The following EPB41L3 variants were observed in gnomAD, a reference collection of about 807,000 sequenced individuals.
The protein encoded by EPB41L3 is band 4.1-like protein 3.
EPB41L3 carries 57 observed loss-of-function variants against 127.1 expected under a neutral mutation model. The observed-to-expected ratio is 0.45, with a 90% CI of 0.36 to 0.56. EPB41L3 has a LOEUF of 0.56. Ranked by LOEUF, EPB41L3 falls within the 20% of genes least tolerant of loss-of-function variation. The pLI, the probability that EPB41L3 is intolerant of heterozygous loss-of-function variation, is 0.00. For synonymous variants in EPB41L3, 572 were observed against 549.5 expected (o/e 1.04, Z -0.57); for missense variants, 1,273 against 1,372.2 (o/e 0.93, Z 1.14).
At chr18:5,446,558 T>C (rs1322703848) in intron 3 of EPB41L3, among the ~76,000 whole-genome samples, 1 of 152,194 alleles carries the variant, frequency 6.6e-6, no homozygotes, top group Non-Finnish European at 1.5e-5. Flanking sequence ...ATGAGAAATA[T>C]GAAAATTGAT....
intron 11 of EPB41L3, among the ~76,000 whole-genome samples, chr18:5,422,445 C>T (rs1043460922): frequency 4.2e-5 from 6 of 142,918 alleles, no homozygotes; most frequent in African/African-American, 1.5e-4. Context: ...GAGATGGTAC[C>T]ATGCACTTGT....
intron 3 of EPB41L3, among the ~76,000 whole-genome samples, chr18:5,573,131 G>GA (rs1248658998): frequency 6.6e-6 from 1 of 152,108 alleles, no homozygotes; most frequent in East Asian, 1.9e-4. Flanking sequence ...TAAATGCAAG[G>GA]GTGACATTTA....
chr18:5,527,371 A>ATAAAACCATACCTGCTAAATAAAATG (rs1432921603), intron 1 of EPB41L3, among the ~76,000 whole-genome samples: 3 of 152,216 alleles, frequency 2.0e-5, no homozygotes, highest in Non-Finnish European at 4.4e-5. Context: ...ATCAATCTTA[A>ATAAAACCATACCTGCTAAATAAAATG]TAAAACCATA....
chr18:5,603,898 A>G lies in EPB41L3; in HGVS notation c.-306+8442T>C, dbSNP rs75916698. Among the ~76,000 whole-genome samples the G allele has an allele frequency of 2.0e-4, 31 of 152,178 alleles. No homozygotes were observed. In the East Asian group the frequency reaches 5.8e-3, roughly 29 times the overall value. ...AAATTTAAAAAAAAAGTTGAATGAG[A>G]TATTATTTGGGTAAGAAAAGTAAAA... On this transcript the variant is annotated intron_variant, in intron 3 of 21. Transcript: ENST00000545076.
chr18:5,485,487 T>C (rs887623156), intron 2 of EPB41L3, among the ~76,000 whole-genome samples: 1 of 151,948 alleles, frequency 6.6e-6, no homozygotes, highest in African/African-American at 2.4e-5. Flanking sequence ...CTGGAAGTCC[T>C]GGCTGGCACA....
At chr18:5,628,649 C>G in intron 1 of EPB41L3, among the ~76,000 whole-genome samples, 1 of 152,250 alleles carries the variant, frequency 6.6e-6, no homozygotes, top group East Asian at 1.9e-4. Context: ...CCAGCCCGAG[C>G]GAGCCCAGGC....
intron 1 of EPB41L3, among the ~76,000 whole-genome samples, chr18:5,540,032 C>CT (rs915695504): frequency 2.0e-5 from 3 of 152,142 alleles, no homozygotes; most frequent in African/African-American, 4.8e-5. Flanking sequence ...AGACCACATA[C>CT]TTTTTTTAAA....
intron 12 of EPB41L3, among the ~76,000 whole-genome samples, chr18:5,419,222 T>C (rs1263957700): frequency 6.6e-6 from 1 of 152,212 alleles, no homozygotes; most frequent in East Asian, 1.9e-4. Flanking sequence ...TTTCAAAACA[T>C]GGCCAGTCAC....
chr18:5,481,396 T>C (rs1217198761), intron 2 of EPB41L3, among the ~76,000 whole-genome samples: 1 of 152,168 alleles, frequency 6.6e-6, no homozygotes, highest in Non-Finnish European at 1.5e-5. Flanking sequence ...TCCATAGTCA[T>C]GATGCCCCTC....
chr18:5,524,178 T>TG lies in EPB41L3; in HGVS notation c.-12+19734_-12+19735insC, dbSNP rs540387043. ...TGGCCGGACTCTTTTCATTTTTTTT[T>TG]TTGTTGTTGTTGTTTTTTGTTTTTT... On this transcript the variant is annotated intron_variant, in intron 1 of 22. Coordinates refer to ENST00000341928, the MANE Select transcript of EPB41L3 (RefSeq NM_012307.5). 3.6e-3 allele frequency among the ~76,000 whole-genome samples: 553 copies of TG among 152,154 alleles called. 4 individuals carry two copies. The highest frequency in any genetic ancestry group is 0.013 in the African/African-American group (538 of 41,506).
intron 1 of EPB41L3, among the ~76,000 whole-genome samples, chr18:5,523,392 T>A (rs1598615255): frequency 6.6e-6 from 1 of 152,302 alleles, no homozygotes; most frequent in South Asian, 2.1e-4. Flanking sequence ...CACTCCAAAT[T>A]AGAAACATTA....
chr18:5,552,585 TC>T, intron 3 of EPB41L3, among the ~76,000 whole-genome samples: 1 of 152,284 alleles, frequency 6.6e-6, no homozygotes, highest in South Asian at 2.1e-4. Context: ...CTAGCGATTT[TC>T]CCCAGGTGTG....
chr18:5,584,223 G>A (rs1344166416), intron 3 of EPB41L3, among the ~76,000 whole-genome samples: 8 of 152,162 alleles, frequency 5.3e-5, no homozygotes, highest in Non-Finnish European at 1.2e-4. Context: ...GCCAATAGCT[G>A]GGTCCTTTAC....
chr18:5,528,289 C>CA (rs2093299633), intron 1 of EPB41L3, among the ~76,000 whole-genome samples: 2 of 152,122 alleles, frequency 1.3e-5, no homozygotes, highest in Non-Finnish European at 2.9e-5. Flanking sequence ...CCACCTCAGC[C>CA]TCCCCAGTAG....
At chr18:5,408,304 C>A (rs2075758029) in intron 14 of EPB41L3, among the ~76,000 whole-genome samples, 1 of 137,400 alleles carries the variant, frequency 7.3e-6, no homozygotes, top group Non-Finnish European at 1.5e-5. Flanking sequence ...GACAGAGTCT[C>A]GCTTTGTTGT....
intron 3 of EPB41L3, among the ~76,000 whole-genome samples, chr18:5,584,269 T>C (rs192817816): frequency 4.6e-5 from 7 of 152,316 alleles, no homozygotes; most frequent in African/African-American, 1.7e-4. Flanking sequence ...AGCTAGGGCC[T>C]ATGCTGCAGA....
intron 1 of EPB41L3, among the ~76,000 whole-genome samples, chr18:5,617,870 T>C (rs1224180232): frequency 6.6e-6 from 1 of 152,192 alleles, no homozygotes; most frequent in Non-Finnish European, 1.5e-5. Flanking sequence ...AAATGGGCAC[T>C]AGAAGACAGA....
At chr18:5,540,046 C>T (rs924757808) in intron 1 of EPB41L3, among the ~76,000 whole-genome samples, 1 of 152,000 alleles carries the variant, frequency 6.6e-6, no homozygotes, top group African/African-American at 2.4e-5. Context: ...TTTTAAAAGA[C>T]ATTACTAATA....
intron 19 of EPB41L3, 131 bp downstream of exon 19, chr18:5,396,070 A>G (rs889360838): frequency 1.8e-6 from 2 of 1,136,700 alleles, no homozygotes; most frequent in East Asian, 4.7e-5. Flanking sequence ...CATCACTTTT[A>G]ATAGAAATGG....
Sources: gnomAD v4.1 joint callset for allele counts (sites outside exome capture counted in the v4.1 genomes callset) on GRCh38, gnomAD v4.1.1 for gene constraint, MANE v1.5 for transcripts, NCBI Gene and HGNC (gene_info 2026-07-23, HGNC 2026-07-21) for gene names.